The following COL5A2 variants were observed in gnomAD, a reference collection of about 807,000 sequenced individuals.
COL5A2 encodes collagen type V alpha 2 chain, also known as collagen alpha-2(V) chain.
A neutral mutation model predicts 208.2 loss-of-function variants in COL5A2; 23 were observed. That is an observed-to-expected ratio of 0.11 (90% CI 0.08 to 0.16). The LOEUF (loss-of-function observed/expected upper bound fraction) is 0.16. Among genes scored for constraint, COL5A2 ranks in the 10% least tolerant of loss-of-function variants. The pLI is 1.00. For missense variants in COL5A2, 1,590 were observed against 1,956.4 expected, an observed-to-expected ratio of 0.81 and a Z score of 3.53; for synonymous variants, 625 against 628.5, an observed-to-expected ratio of 0.99 and a Z score of 0.08.
the COL5A2 span, among the ~76,000 whole-genome samples, chr2:189,280,767 T>C: frequency 6.6e-6 from 1 of 152,078 alleles, no homozygotes; most frequent in African/African-American, 2.4e-5. Context: ...CTTCTACACA[T>C]CTTAGGGATA....
chr2:189,067,823 A>G (rs1225852675), intron 21 of COL5A2, among the ~76,000 whole-genome samples, 192 bp downstream of exon 21: 1 of 152,208 alleles, frequency 6.6e-6, no homozygotes, highest in Non-Finnish European at 1.5e-5. Flanking sequence ...ATACTGCAAT[A>G]ATGTTCCACT....
Position 189,088,519 on chromosome 2 carries a change from G to T in COL5A2, c.645+176C>A, listed in dbSNP as rs971932468. Among the ~76,000 whole-genome samples, 4 of 151,828 alleles carry T rather than the reference G, an allele frequency of 2.6e-5. No individual in the cohort carries two copies. The East Asian group carries it at 7.7e-4, about 29-fold the overall frequency. ...TGCATAATTATGAATGAAACACACT[G>T]GGCTTTTAACTGGCATACAGTAGAG... On this transcript the variant is annotated intron_variant, in intron 8 of 53. Transcript: ENST00000374866.
intron 1 of COL5A2, among the ~76,000 whole-genome samples, chr2:189,155,366 T>C (rs1688224686): frequency 2.5e-3 from 1 of 402 alleles, no homozygotes; most frequent in African/African-American, 3.1e-3. Context: ...TTTTGCTCCT[T>C]TGGGAGGCCT....
the COL5A2 span, among the ~76,000 whole-genome samples, chr2:189,357,194 G>A: frequency 6.6e-6 from 1 of 152,154 alleles, no homozygotes; most frequent in South Asian, 2.1e-4. Context: ...GTGTTTCCCA[G>A]TCAGGATACA....
At chr2:189,381,674 C>T in the COL5A2 span, among the ~76,000 whole-genome samples, 8 of 151,876 alleles carry the variant, frequency 5.3e-5, no homozygotes, top group East Asian at 3.9e-4. Context: ...TAAATACTTG[C>T]GGTATGTTAT....
At chr2:189,272,991 T>C in the COL5A2 span, among the ~76,000 whole-genome samples, 9 of 152,148 alleles carry the variant, frequency 5.9e-5, no homozygotes, top group African/African-American at 2.2e-4. Context: ...ATCCACAAAC[T>C]AAGAAGAAGG....
At chr2:189,186,352 C>T (rs1296846122) in intron 1 of COL5A2, among the ~76,000 whole-genome samples, 1 of 152,080 alleles carries the variant, frequency 6.6e-6, no homozygotes, top group African/African-American at 2.4e-5. Context: ...ATACTTTTTT[C>T]TCACTGAAAG....
At position 189,033,571 on chromosome 2, in the gene COL5A2, T is replaced by C. The variant is rs1576482361; in HGVS notation, c.*499A>G. 1 of 173,686 alleles carries C rather than the reference T, an allele frequency of 5.8e-6. No individual in the cohort carries two copies. The highest frequency in any genetic ancestry group is 1.5e-4 in the East Asian group (1 of 6,726). 10.8% of individuals were successfully genotyped at this position (173,686 alleles called of 1,614,324 possible). On this transcript the variant is annotated 3_prime_UTR_variant, in exon 54 of 54. Transcript: ENST00000374866. ...GTAGGTCTCGATCACAAGTTAAACA[T>C]TTTAAACTCATTTTTAATTGACAAT...
rs745580343 is a variant in COL5A2 at position 189,036,653 on chromosome 2, G to T, written c.4076C>A (p.Pro1359His). The change falls in exon 52 of 54, where the codon CCT (proline) becomes CAT (histidine). Residue 1359 changes from proline to histidine, a missense_variant. Physicochemically the swap from Pro to His is moderately conservative, Grantham distance 77. Transcript: ENST00000374866. ...GTTCATATCAAGACCATACCAAACA[G>T]GTTTATTGTCAGGAGATTTACTGGC... ...WWASKSPDNK[P>H]VWYGLDMNRG... 1 of 1,613,696 alleles carries T rather than the reference G, an allele frequency of 6.2e-7. No homozygotes were observed. Among genetic ancestry groups the T allele is most frequent in the Non-Finnish European group, 8.5e-7 (1 of 1,179,710 alleles).
the COL5A2 span, among the ~76,000 whole-genome samples, chr2:189,245,524 G>A: frequency 1.5e-5 from 2 of 137,246 alleles, no homozygotes; most frequent in East Asian, 2.1e-4. Flanking sequence ...TTGCTCTGTC[G>A]CCCAGGCTGG....
the COL5A2 span, among the ~76,000 whole-genome samples, chr2:189,293,863 A>G: frequency 6.6e-6 from 1 of 152,148 alleles, no homozygotes; most frequent in African/African-American, 2.4e-5. Context: ...AGGCGGGCAC[A>G]TCACAAGGTC....
chr2:189,376,161 T>C, the COL5A2 span, among the ~76,000 whole-genome samples: 1 of 152,234 alleles, frequency 6.6e-6, no homozygotes, highest in African/African-American at 2.4e-5. Flanking sequence ...ATACTTAAAA[T>C]TTTTGCATAT....
chr2:189,366,544 C>T, the COL5A2 span, among the ~76,000 whole-genome samples: 2 of 152,226 alleles, frequency 1.3e-5, no homozygotes, highest in African/African-American at 4.8e-5. Context: ...GTCCAAGTCA[C>T]TCTTATTGTT....
At chr2:189,294,829 T>C in the COL5A2 span, among the ~76,000 whole-genome samples, 1 of 152,136 alleles carries the variant, frequency 6.6e-6, no homozygotes, top group Non-Finnish European at 1.5e-5. Context: ...CACAGAGTCT[T>C]GCTCTGTCTC....
intron 6 of COL5A2, among the ~76,000 whole-genome samples, chr2:189,095,576 C>G (rs1686891679): frequency 1.3e-5 from 2 of 151,750 alleles, no homozygotes; most frequent in Admixed American, 1.3e-4. Context: ...TCAGGCCTAA[C>G]CAAGACAGGA....
At chr2:189,164,775 T>G (rs1427565017) in intron 1 of COL5A2, among the ~76,000 whole-genome samples, 2 of 152,216 alleles carry the variant, frequency 1.3e-5, no homozygotes, top group Non-Finnish European at 2.9e-5. Flanking sequence ...TAAAGTATTA[T>G]CTCTGTTTTG....
intron 16 of COL5A2, among the ~76,000 whole-genome samples, chr2:189,077,567 G>A (rs1224185474): frequency 1.3e-5 from 2 of 152,182 alleles, no homozygotes; most frequent in African/African-American, 2.4e-5. Context: ...AAAGCACAGA[G>A]AAGTAAGCAT....
At chr2:189,400,832 G>T in the COL5A2 span, among the ~76,000 whole-genome samples, 1 of 152,118 alleles carries the variant, frequency 6.6e-6, no homozygotes, top group African/African-American at 2.4e-5. Flanking sequence ...AACATAAACT[G>T]CACGTGTAAA....
rs1313750073 is a variant in COL5A2, at chr2:189,080,553, A to AT, written c.906+436dup. ...AACAATATATAATAGTTACATCGTA[A>AT]TTATCTTCAGTAATAAGGAAGGCAT... On this transcript the variant is annotated intron_variant, in intron 13 of 53. Coordinates refer to ENST00000374866, the MANE Select transcript of COL5A2 (RefSeq NM_000393.5). Among the ~76,000 whole-genome samples, 17 of 152,120 alleles carry AT rather than the reference A, an allele frequency of 1.1e-4. 1 individual carries two copies. Among genetic ancestry groups the AT allele is most frequent in the Admixed American group, 1.1e-3 (17 of 15,264 alleles).
Sources: gnomAD v4.1 joint callset for allele counts (sites outside exome capture counted in the v4.1 genomes callset) on GRCh38, gnomAD v4.1.1 for gene constraint, MANE v1.5 for transcripts, NCBI Gene and HGNC (gene_info 2026-07-23, HGNC 2026-07-21) for gene names.